PCSK5: variants seen among roughly 807,000 people sequenced by gnomAD.
PCSK5 encodes prohormone convertase 5.
Under a neutral mutation model 233.2 loss-of-function variants are expected in PCSK5, and 129 were observed. The ratio of observed to expected loss-of-function variants is 0.55; its 90% CI spans 0.48 to 0.64. The LOEUF (loss-of-function observed/expected upper bound fraction) is 0.64, where lower values mean the gene tolerates loss of function less well. PCSK5 is among the 30% of genes least tolerant of loss of function. The pLI is 0.00. For synonymous variants in PCSK5, 825 were observed against 879.2 expected (o/e 0.94, Z 1.09); for missense variants, 2,076 against 2,430.1 (o/e 0.85, Z 3.06).
intron 20 of PCSK5, among the ~76,000 whole-genome samples, chr9:76,201,495 CA>C (rs1333230229): frequency 6.6e-6 from 1 of 152,126 alleles, no homozygotes; most frequent in African/African-American, 2.4e-5. Context: ...AGAGCACCCA[CA>C]AGGAGAAATA....
At chr9:76,236,896 G>A (rs1237281489) in intron 22 of PCSK5, among the ~76,000 whole-genome samples, 1 of 152,078 alleles carries the variant, frequency 6.6e-6, no homozygotes, top group Non-Finnish European at 1.5e-5. Flanking sequence ...TGATCCAGTT[G>A]GATATAGGGG....
At chr9:76,033,577 A>G (rs1460161443) in intron 5 of PCSK5, among the ~76,000 whole-genome samples, 1 of 152,104 alleles carries the variant, frequency 6.6e-6, no homozygotes, top group Non-Finnish European at 1.5e-5. Flanking sequence ...CAAACATGCA[A>G]TTGTGGAAAA....
At chr9:76,301,677 T>C (rs1320859412) in intron 27 of PCSK5, among the ~76,000 whole-genome samples, 2 of 152,122 alleles carry the variant, frequency 1.3e-5, no homozygotes, top group Non-Finnish European at 2.9e-5. Flanking sequence ...ACCCCATCTC[T>C]ACTAAAAATA....
chr9:76,193,817 T>TTGAG (rs1309124562), intron 20 of PCSK5: 2 of 154,944 alleles, frequency 1.3e-5, no homozygotes, highest in East Asian at 1.9e-4. Flanking sequence ...TCTTGCATGC[T>TTGAG]TGAGTCCACC....
chr9:76,352,994 G>A (rs897979047), intron 36 of PCSK5, among the ~76,000 whole-genome samples: 8 of 150,508 alleles, frequency 5.3e-5, no homozygotes, highest in African/African-American at 1.7e-4. Flanking sequence ...GTGCACTCCA[G>A]TGTGGGCAAA....
At chr9:75,977,697 AC>A (rs1221127642) in intron 2 of PCSK5, among the ~76,000 whole-genome samples, 1 of 150,798 alleles carries the variant, frequency 6.6e-6, no homozygotes, top group African/African-American at 2.4e-5. Context: ...TGCAACCTCC[AC>A]CTCCTGGGTT....
At chr9:75,914,612 C>T (rs1822901740) in intron 1 of PCSK5, among the ~76,000 whole-genome samples, 1 of 152,088 alleles carries the variant, frequency 6.6e-6, no homozygotes. Context: ...GAACACTGAA[C>T]TGGTATTTAG....
At chr9:76,200,379 T>C (rs1801489668) in intron 20 of PCSK5, among the ~76,000 whole-genome samples, 1 of 152,130 alleles carries the variant, frequency 6.6e-6, no homozygotes, top group African/African-American at 2.4e-5. Flanking sequence ...AGTTCAAAAA[T>C]AACTTCCTCT....
At chr9:76,149,688 C>T (rs1468285058) in intron 10 of PCSK5, among the ~76,000 whole-genome samples, 1 of 152,034 alleles carries the variant, frequency 6.6e-6, no homozygotes, top group African/African-American at 2.4e-5. Context: ...CATCTTTGTC[C>T]AGACAGTCAT....
chr9:76,145,856 G>A (rs932854745), intron 10 of PCSK5, among the ~76,000 whole-genome samples: 2 of 152,184 alleles, frequency 1.3e-5, no homozygotes, highest in African/African-American at 4.8e-5. Flanking sequence ...TGGTGCCAAT[G>A]TCTGTAATAT....
At position 76,145,291 on chromosome 9, in the gene PCSK5, G is replaced by A. The variant is rs1823399239; in HGVS notation, c.1312+11079G>A. On this transcript the variant is annotated intron_variant, in intron 10 of 37. Transcript: ENST00000674117. ...TTTTTTTACATTCAACAAAAATGAT[G>A]GAAGCTTCATGAATTCAAATGTATG... is the stretch of plus-strand genomic sequence containing the variant. 2.6e-5 allele frequency among the ~76,000 whole-genome samples: 4 copies of A among 152,170 alleles called. No homozygotes were observed. The South Asian group carries it at 8.3e-4, about 32-fold the overall frequency.
chr9:75,891,847 A>T (rs1825621580), intron 1 of PCSK5, among the ~76,000 whole-genome samples: 1 of 151,990 alleles, frequency 6.6e-6, no homozygotes, highest in South Asian at 2.1e-4. Flanking sequence ...TTTAGCCCAG[A>T]AAGAAGTTTC....
intron 2 of PCSK5, among the ~76,000 whole-genome samples, chr9:75,952,064 C>T (rs1824885308): frequency 6.6e-6 from 1 of 152,176 alleles, no homozygotes; most frequent in South Asian, 2.1e-4. Context: ...TAGCATTCTA[C>T]ACACTTCTTT....
rs376389955 is a variant in PCSK5, at chr9:76,188,565, A to T, written c.2283-13A>T. The T allele has an allele frequency of 6.3e-7, 1 of 1,592,290 alleles. No individual in the cohort carries two copies. Among genetic ancestry groups the T allele is most frequent in the Non-Finnish European group, 8.6e-7 (1 of 1,160,302 alleles). The stretch of plus-strand genomic sequence containing the variant: ...CAACAGTCTGTTTGAAGCTCCCTTT[A>T]TACTTCTTCCAGCCTGCAGGGATCC... On this transcript the variant is annotated splice_polypyrimidine_tract_variant and intron_variant, in intron 17 of 37. Coordinates refer to ENST00000674117, the MANE Select transcript of PCSK5 (RefSeq NM_001372043.1).
intron 10 of PCSK5, among the ~76,000 whole-genome samples, chr9:76,149,413 T>C (rs1386192985): frequency 6.6e-6 from 1 of 152,122 alleles, no homozygotes; most frequent in Non-Finnish European, 1.5e-5. Flanking sequence ...GTCAACTAAA[T>C]TCTCTATTCC....
At chr9:76,308,966 C>T (rs530271576) in intron 29 of PCSK5, among the ~76,000 whole-genome samples, 6 of 152,244 alleles carry the variant, frequency 3.9e-5, no homozygotes, top group Non-Finnish European at 7.4e-5. Context: ...ACCTGTAATC[C>T]CAACATTTTG....
chr9:76,273,585 A>ATATATATG (rs1482693000), intron 24 of PCSK5, among the ~76,000 whole-genome samples: 16 of 145,270 alleles, frequency 1.1e-4, no homozygotes, highest in African/African-American at 4.0e-4. Flanking sequence ...ACATATATAT[A>ATATATATG]TATATATATA....
At chr9:76,278,666 T>A (rs1387311654) in intron 24 of PCSK5, among the ~76,000 whole-genome samples, 1 of 151,798 alleles carries the variant, frequency 6.6e-6, no homozygotes, top group Non-Finnish European at 1.5e-5. Context: ...TGATTTTCAA[T>A]AAAGCCATCT....
chr9:76,199,824 AT>A (rs1020443004), intron 20 of PCSK5, among the ~76,000 whole-genome samples: 3 of 152,108 alleles, frequency 2.0e-5, no homozygotes, highest in Non-Finnish European at 4.4e-5. Context: ...ACACCTGTAG[AT>A]TCAATTAACT....
Sources: allele counts gnomAD v4.1 joint callset (sites outside exome capture counted in the v4.1 genomes callset), GRCh38; gene constraint gnomAD v4.1.1; transcripts MANE v1.5; gene names NCBI Gene and HGNC (gene_info 2026-07-23, HGNC 2026-07-21).